The following FANCC variants were observed in gnomAD, a reference collection of about 807,000 sequenced individuals.
The protein encoded by FANCC is FA complementation group C.
Under a neutral mutation model 71.3 loss-of-function variants are expected in FANCC, and 55 were observed. The ratio of observed to expected loss-of-function variants is 0.77; its 90% confidence interval spans 0.62 to 0.97. FANCC has a LOEUF of 0.97. FANCC is among the 50% of genes least tolerant of loss of function. The probability of loss-of-function intolerance (pLI) is 0.00; values close to 1 mark genes in which losing one functional copy is unlikely to be tolerated. For missense variants in FANCC, 678 were observed against 670.9 expected (o/e 1.01, Z -0.12); for synonymous variants, 275 against 244.9 (o/e 1.12, Z -1.15).
At chr9:95,306,977 G>A (rs145596197) in intron 1 of FANCC, among the ~76,000 whole-genome samples, 27 of 152,188 alleles carry the variant, frequency 1.8e-4, no homozygotes, top group African/African-American at 4.1e-4. Context: ...AGGCTCAAGC[G>A]ATCCTCCCAC....
chr9:95,130,867 C>A (rs1021197293), intron 8 of FANCC, among the ~76,000 whole-genome samples: 1 of 152,208 alleles, frequency 6.6e-6, no homozygotes, highest in African/African-American at 2.4e-5. Flanking sequence ...CCTATTTATA[C>A]AAAACCTTCA....
chr9:95,201,543 C>T (rs1349497475), intron 4 of FANCC, among the ~76,000 whole-genome samples: 1 of 152,128 alleles, frequency 6.6e-6, no homozygotes, highest in Non-Finnish European at 1.5e-5. Context: ...TTCTCTCTTT[C>T]CCTCCGTATT....
At chr9:95,219,679 C>T (rs1829109897) in intron 4 of FANCC, among the ~76,000 whole-genome samples, 1 of 152,206 alleles carries the variant, frequency 6.6e-6, no homozygotes, top group African/African-American at 2.4e-5. Flanking sequence ...AAAGCTGAAA[C>T]TGGATTCCTC....
intron 4 of FANCC, among the ~76,000 whole-genome samples, chr9:95,181,740 G>A (rs1185512258): frequency 6.6e-6 from 1 of 152,174 alleles, no homozygotes; most frequent in East Asian, 1.9e-4. Context: ...AGAAAGTATG[G>A]GAACCAAGAT....
chr9:95,249,027 A>G (rs907912570), intron 2 of FANCC, 100 bp downstream of exon 2: 2 of 1,291,868 alleles, frequency 1.5e-6, no homozygotes, highest in South Asian at 1.2e-5. Context: ...ACTTCAGTCA[A>G]TACCACAAGT....
At chr9:95,296,630 C>T (rs1264477697) in intron 1 of FANCC, among the ~76,000 whole-genome samples, 2 of 151,846 alleles carry the variant, frequency 1.3e-5, no homozygotes, top group African/African-American at 2.4e-5. Context: ...GATATGAAGA[C>T]AGAAAGTGGA....
intron 1 of FANCC, among the ~76,000 whole-genome samples, chr9:95,281,394 G>GA (rs957124426): frequency 1.7e-4 from 25 of 150,178 alleles, no homozygotes; most frequent in Admixed American, 1.4e-3. Flanking sequence ...AAGTCCTAAA[G>GA]AAAAAAAAAT....
chr9:95,233,076 A>C (rs1830106106), intron 4 of FANCC, among the ~76,000 whole-genome samples: 1 of 152,192 alleles, frequency 6.6e-6, no homozygotes, highest in African/African-American at 2.4e-5. Flanking sequence ...CTCACCCAGA[A>C]TGAATCATGC....
intron 6 of FANCC, among the ~76,000 whole-genome samples, chr9:95,154,112 G>C (rs566531623): frequency 9.9e-5 from 15 of 152,086 alleles, no homozygotes; most frequent in African/African-American, 3.6e-4. Flanking sequence ...CAGGCATGGT[G>C]GTGGGCACCT....
chr9:95,207,082 A>T (rs1202918898), intron 4 of FANCC, among the ~76,000 whole-genome samples: 2 of 152,084 alleles, frequency 1.3e-5, no homozygotes. Flanking sequence ...TTTAAAGGTC[A>T]AGTCAGCTCA....
At chr9:95,173,687 G>A (rs1391373716) in intron 4 of FANCC, among the ~76,000 whole-genome samples, 3 of 152,060 alleles carry the variant, frequency 2.0e-5, no homozygotes, top group Non-Finnish European at 2.9e-5. Context: ...AGGCCGAGAC[G>A]GGCAGATCAC....
chr9:95,274,432 G>C (rs998683741), intron 1 of FANCC, among the ~76,000 whole-genome samples: 2 of 152,152 alleles, frequency 1.3e-5, no homozygotes, highest in African/African-American at 4.8e-5. Flanking sequence ...CATTGGATGG[G>C]CATTTGGGTT....
chr9:95,183,329 G>A (rs548274580), intron 4 of FANCC, among the ~76,000 whole-genome samples: 46 of 152,222 alleles, frequency 3.0e-4, no homozygotes, highest in African/African-American at 1.0e-3. Flanking sequence ...TCTGTCCACC[G>A]TTAGCATGCA....
In FANCC at chr9:95,109,096, G is replaced by T. The variant is rs1029928610; in HGVS notation, c.1330-1827C>A. Among the ~76,000 whole-genome samples, 7 of 152,072 alleles carry T rather than the reference G, an allele frequency of 4.6e-5. No individual in the cohort carries two copies. In the East Asian group the frequency reaches 1.4e-3, roughly 29 times the overall value. Reference sequence around the variant, plus strand: ...GGCTAATTTCTTTATTTATTTTTTTGTAGAGACAGGGGTCTATGTTGCCCA... The same window carrying T: ...GGCTAATTTCTTTATTTATTTTTTTTTAGAGACAGGGGTCTATGTTGCCCA... On this transcript the variant is annotated intron_variant, in intron 13 of 14. Transcript: ENST00000289081.
At chr9:95,133,839 A>C (rs1827253514) in intron 8 of FANCC, among the ~76,000 whole-genome samples, 1 of 152,190 alleles carries the variant, frequency 6.6e-6, no homozygotes, top group Non-Finnish European at 1.5e-5. Context: ...GTAATTTATG[A>C]CCTTGAATCA....
intron 6 of FANCC, among the ~76,000 whole-genome samples, chr9:95,169,140 T>G (rs1253902709): frequency 1.3e-5 from 2 of 152,164 alleles, no homozygotes; most frequent in Non-Finnish European, 2.9e-5. Context: ...AGTTTTCAAC[T>G]TAATAAGGAA....
chr9:95,253,436 T>C (rs528741849), intron 1 of FANCC, among the ~76,000 whole-genome samples: 1 of 152,268 alleles, frequency 6.6e-6, no homozygotes, highest in Admixed American at 6.5e-5. Flanking sequence ...TGTAAGGTGT[T>C]TCTCTCAACA....
intron 1 of FANCC, among the ~76,000 whole-genome samples, chr9:95,314,296 T>A (rs1352164463): frequency 1.3e-5 from 2 of 152,244 alleles, no homozygotes; most frequent in Non-Finnish European, 2.9e-5. Flanking sequence ...ATAATGAAAT[T>A]TTAAAAATAA....
At chr9:95,314,150 G>A (rs1015481082) in intron 1 of FANCC, among the ~76,000 whole-genome samples, 24 of 152,168 alleles carry the variant, frequency 1.6e-4, no homozygotes, top group African/African-American at 5.8e-4. Flanking sequence ...AAACTATATT[G>A]GCATGATGCC....
Sources: gnomAD v4.1 joint callset for allele counts (sites outside exome capture counted in the v4.1 genomes callset) on GRCh38, gnomAD v4.1.1 for gene constraint, MANE v1.5 for transcripts, NCBI Gene and HGNC (gene_info 2026-07-23, HGNC 2026-07-21) for gene names.